The following ARF3 variants were observed in gnomAD, a reference collection of about 807,000 sequenced individuals.
The protein encoded by ARF3 is ARF GTPase 3.
Under a neutral mutation model 19.3 loss-of-function variants are expected in ARF3, and 5 were observed. The ratio of observed to expected loss-of-function variants is 0.26; its 90% confidence interval spans 0.14 to 0.54. The LOEUF is 0.54. ARF3 is among the 20% of genes least tolerant of loss of function. The probability of loss-of-function intolerance (pLI) is 0.95; values close to 1 mark genes in which losing one functional copy is unlikely to be tolerated. For synonymous variants in ARF3, 71 were observed against 89.2 expected (o/e 0.80, Z 1.15); for missense variants, 77 against 234.2 (o/e 0.33, Z 4.38).
At chr12:48,948,389 C>T (rs552846270) in intron 1 of ARF3, among the ~76,000 whole-genome samples, 7 of 151,920 alleles carry the variant, frequency 4.6e-5, no homozygotes, top group South Asian at 2.1e-4. Context: ...AAAAGACCTA[C>T]GGGCCCAAAT....
At chr12:48,955,902 A>T (rs934618696) in intron 1 of ARF3, 1 of 152,244 alleles carries the variant, frequency 6.6e-6, no homozygotes, top group Non-Finnish European at 1.5e-5. Flanking sequence ...TCATTCGGTG[A>T]AAAGCTGAAC....
At chr12:48,949,779 A>C (rs1209904455) in intron 1 of ARF3, among the ~76,000 whole-genome samples, 3 of 151,108 alleles carry the variant, frequency 2.0e-5, no homozygotes, top group Admixed American at 6.6e-5. Context: ...TCCTGACCTC[A>C]AGCAGTCCTC....
chr12:48,944,636 G>T (rs760575470), intron 1 of ARF3, among the ~76,000 whole-genome samples: 10 of 152,344 alleles, frequency 6.6e-5, no homozygotes, highest in Middle Eastern at 3.4e-3. Context: ...AGCCTCATCT[G>T]AGGATGTCCT....
rs543527833 is a variant in ARF3, at chr12:48,951,389, C to T, written c.-94+5921G>A. Reference sequence around the variant, plus strand: ...CAGCCTGGCCAACATGGTGAGACCCCATCTCTACTAAAAATACAAAATTAG... The same window carrying T: ...CAGCCTGGCCAACATGGTGAGACCCTATCTCTACTAAAAATACAAAATTAG... On this transcript the variant is annotated intron_variant, in intron 1 of 4. Transcript: ENST00000256682. Among the ~76,000 whole-genome samples, 502 of 143,506 alleles carry T rather than the reference C, an allele frequency of 3.5e-3. 5 individuals carry two copies. Among genetic ancestry groups the T allele is most frequent in the African/African-American group, 0.012 (465 of 38,674 alleles). The allele number at this position is 143,506 out of a possible 152,430, so 94.1% of individuals were successfully genotyped here.
chr12:48,951,558 C>T (rs940376050), intron 1 of ARF3, among the ~76,000 whole-genome samples: 2 of 148,326 alleles, frequency 1.3e-5, no homozygotes, highest in Non-Finnish European at 3.0e-5. Flanking sequence ...AACGCAACTC[C>T]ATCACAAAAA....
intron 1 of ARF3, among the ~76,000 whole-genome samples, chr12:48,950,438 C>T (rs1350196136): frequency 6.6e-6 from 1 of 152,162 alleles, no homozygotes; most frequent in African/African-American, 2.4e-5. Context: ...CCGCCCACCT[C>T]GGCTTCCCAA....
chr12:48,955,463 T>C lies in ARF3; in HGVS notation c.-94+1847A>G, dbSNP rs903307123. ...AATGACTCTGTGTTCTAGTAATATT[T>C]TTCTTTTTGGGTCTTAAGTTTCCAT... On this transcript the variant is annotated intron_variant, in intron 1 of 4. Coordinates refer to ENST00000256682, the MANE Select transcript of ARF3 (RefSeq NM_001659.3). Among the ~76,000 whole-genome samples, 5 of 152,326 alleles carry C rather than the reference T, an allele frequency of 3.3e-5. No individual in the cohort carries two copies. The East Asian group carries it at 9.6e-4, about 29-fold the overall frequency.
intron 1 of ARF3, chr12:48,953,179 T>C (rs546515386): frequency 1.3e-5 from 2 of 152,104 alleles, no homozygotes; most frequent in African/African-American, 4.8e-5. Context: ...ACTTGTGGGG[T>C]TGAAGAAGAC....
rs78444081 is a variant in ARF3, at chr12:48,954,574, A to T, written c.-94+2736T>A. Among the ~76,000 whole-genome samples, 131 of 152,368 alleles carry T rather than the reference A, an allele frequency of 8.6e-4. 4 individuals are homozygous for T. In the East Asian group the frequency reaches 0.023, roughly 27 times the overall value. On this transcript the variant is annotated intron_variant, in intron 1 of 4. Coordinates refer to ENST00000256682, the MANE Select transcript of ARF3 (RefSeq NM_001659.3). ...AACCATATGTCATTACCTTCTTTACAGATGAAGAAAATAAAGAGAGAAGAC... is the reference window on the plus strand; with the variant it reads ...AACCATATGTCATTACCTTCTTTACTGATGAAGAAAATAAAGAGAGAAGAC...
rs1295109099 is a variant in ARF3, at chr12:48,938,189, TAAGAAGGG to T, written c.*750_*757del. On this transcript the variant is annotated 3_prime_UTR_variant, in exon 5 of 5. Coordinates refer to ENST00000256682, the MANE Select transcript of ARF3 (RefSeq NM_001659.3). ...AGAGATAAATGCCATCCTCCAGCCC[TAAGAAGGG>T]TGGAGAGAAGAGTACAAGGAAAATG... 1 of 349,402 alleles carries T rather than the reference TAAGAAGGG, an allele frequency of 2.9e-6. No homozygotes were observed. Among genetic ancestry groups the T allele is most frequent in the Admixed American group, 3.7e-5 (1 of 26,900 alleles). The allele number at this position is 349,402 out of a possible 1,614,324, so 21.6% of individuals were successfully genotyped here. A position where few individuals can be genotyped will look rare whatever the true frequency, so the allele number is the denominator to read the frequency against.
Position 48,939,791 on chromosome 12 carries a change from G to A in ARF3, c.260-12C>T, listed in dbSNP as rs759055895. 6 of 1,613,756 alleles carry A rather than the reference G, an allele frequency of 3.7e-6. No individual in the cohort carries two copies. The highest frequency in any genetic ancestry group is 2.5e-6 in the Non-Finnish European group (3 of 1,179,950). On this transcript the variant is annotated splice_polypyrimidine_tract_variant and intron_variant, in intron 3 of 4. Transcript: ENST00000256682. The surrounding 1 kb of genome is among the most constrained non-coding windows in gnomAD (Gnocchi z 4.8). ...CACAAATATCAACCCTAGGAAGGCAGAGCATGGGCTGCACTAAGATGACAG... is the reference window on the plus strand; with the variant it reads ...CACAAATATCAACCCTAGGAAGGCAAAGCATGGGCTGCACTAAGATGACAG...
At chr12:48,950,198 G>A (rs1940440252) in intron 1 of ARF3, among the ~76,000 whole-genome samples, 1 of 152,092 alleles carries the variant, frequency 6.6e-6, no homozygotes, top group Non-Finnish European at 1.5e-5. Flanking sequence ...CACCACGCCT[G>A]GCATCTTTCG....
intron 1 of ARF3, among the ~76,000 whole-genome samples, chr12:48,952,743 T>C (rs1302809895): frequency 1.3e-5 from 2 of 152,238 alleles, no homozygotes; most frequent in East Asian, 3.8e-4. Flanking sequence ...GAGAACTGCC[T>C]ACTTAGGGAA....
chr12:48,947,604 C>T (rs566913170), intron 1 of ARF3, among the ~76,000 whole-genome samples: 1 of 152,244 alleles, frequency 6.6e-6, no homozygotes, highest in East Asian at 1.9e-4. Context: ...CCGTGCCTGG[C>T]CTCATTCATC....
At position 48,938,814 on chromosome 12, in the gene ARF3, T is replaced by C; in HGVS notation, c.*133A>G. 5 of 1,194,098 alleles carry C rather than the reference T, an allele frequency of 4.2e-6. No homozygotes were observed. Among genetic ancestry groups the C allele is most frequent in the Non-Finnish European group, 5.8e-6 (5 of 857,098 alleles). 74.0% of individuals were successfully genotyped at this position (1,194,098 alleles called of 1,614,324 possible). A position where few individuals can be genotyped will look rare whatever the true frequency, so the allele number is the denominator to read the frequency against. On this transcript the variant is annotated 3_prime_UTR_variant, in exon 5 of 5. Coordinates refer to ENST00000256682, the MANE Select transcript of ARF3 (RefSeq NM_001659.3). ...GGAGGGGAGGCAGGGGAGGCAAGGC[T>C]CTTGCTGGGCATGTGGACATGATAC...
chr12:48,944,765 G>A (rs1352729761), intron 1 of ARF3, among the ~76,000 whole-genome samples: 1 of 152,162 alleles, frequency 6.6e-6, no homozygotes, highest in Non-Finnish European at 1.5e-5. Context: ...GACTGGTTTG[G>A]GAACAACATA....
At position 48,936,256 on chromosome 12, in the gene ARF3, A is replaced by T. The variant is rs1940139591; in HGVS notation, c.*2691T>A. The stretch of plus-strand genomic sequence containing the variant: ...CAACCAGGGTCACAGTCATCGCGTT[A>T]TCCCACATTTTGAGCAAGGATAGAG... On this transcript the variant is annotated 3_prime_UTR_variant, in exon 5 of 5. Transcript: ENST00000256682. 1.3e-5 allele frequency: 2 copies of T among 152,718 alleles called. No individual in the cohort carries two copies. Among genetic ancestry groups the T allele is most frequent in the South Asian group, 4.1e-4 (2 of 4,836 alleles). 9.5% of individuals were successfully genotyped at this position (152,718 alleles called of 1,614,324 possible).
chr12:48,939,729 G>C lies in ARF3; in HGVS notation c.310C>G (p.Arg104Gly), dbSNP rs1176865609. The C allele has an allele frequency of 1.2e-6, 2 of 1,613,886 alleles. No individual in the cohort carries two copies. The highest frequency in any genetic ancestry group is 1.7e-6 in the Non-Finnish European group (2 of 1,180,018). Residue 104 changes from arginine to glycine, a missense_variant, in exon 4 of 5, where the codon CGG (arginine) becomes GGG (glycine). Transcript: ENST00000256682. The surrounding 1 kb of genome is among the most constrained non-coding windows in gnomAD (Gnocchi z 4.8). ...SNDRERVNEAREELMRMLAED... is the reference protein window; with the variant it reads ...SNDRERVNEAGEELMRMLAED... The stretch of plus-strand genomic sequence containing the variant: ...GCCAGCATTCTCATCAGCTCTTCCC[G>C]GGCCTCATTTACTCGCTCCCGATCA...
intron 2 of ARF3, 90 bp downstream of exon 2, chr12:48,940,858 G>A: frequency 1.4e-6 from 2 of 1,444,304 alleles, no homozygotes; most frequent in South Asian, 1.4e-5. Context: ...ACTTGCCTGG[G>A]GAGAAGAGGC....
Sources: allele counts gnomAD v4.1 joint callset (sites outside exome capture counted in the v4.1 genomes callset), GRCh38; gene constraint gnomAD v4.1.1; non-coding constraint Gnocchi (gnomAD v3.1); transcripts MANE v1.5; gene names NCBI Gene and HGNC (gene_info 2026-07-23, HGNC 2026-07-21).